The following CWH43 variants were observed in gnomAD, a reference collection of about 807,000 sequenced individuals.
CWH43 encodes cell wall biogenesis 43 C-terminal homolog.
Under a neutral mutation model 85.7 loss-of-function variants are expected in CWH43, and 91 were observed. That is an observed-to-expected ratio of 1.06 (90% CI 0.90 to 1.26). The LOEUF is 1.26. CWH43 is among the 50% of genes most tolerant of loss of function. The probability of loss-of-function intolerance (pLI) is 0.00; values close to 1 mark genes in which losing one functional copy is unlikely to be tolerated. For missense variants in CWH43, 869 were observed against 839.2 expected, an observed-to-expected ratio of 1.04 and a Z score of -0.44; for synonymous variants, 323 against 293.6, an observed-to-expected ratio of 1.10 and a Z score of -1.02.
chr4:49,015,852 T>C (rs193165766), intron 8 of CWH43, among the ~76,000 whole-genome samples: 26 of 152,290 alleles, frequency 1.7e-4, no homozygotes, highest in Non-Finnish European at 2.8e-4. Context: ...CTCTATTTGA[T>C]TTCTTTTCAA....
intron 13 of CWH43, among the ~76,000 whole-genome samples, chr4:49,039,556 C>A (rs1288106164): frequency 6.7e-6 from 1 of 149,258 alleles, no homozygotes; most frequent in Non-Finnish European, 1.5e-5. Flanking sequence ...AACTTCATGT[C>A]TTGAGATAAT....
chr4:49,011,286 C>A (rs1321719453), intron 8 of CWH43, among the ~76,000 whole-genome samples: 1 of 152,072 alleles, frequency 6.6e-6, no homozygotes, highest in South Asian at 2.1e-4. Flanking sequence ...GTATCAGAGA[C>A]TAGGATTGCA....
intron 5 of CWH43, among the ~76,000 whole-genome samples, chr4:48,995,088 T>C (rs1350428922): frequency 3.3e-5 from 5 of 152,222 alleles, no homozygotes; most frequent in South Asian, 4.1e-4. Context: ...AGCTCCAGCA[T>C]AGGCATCTCG....
chr4:49,045,363 G>C (rs1426799194), intron 14 of CWH43, among the ~76,000 whole-genome samples: 1 of 152,078 alleles, frequency 6.6e-6, no homozygotes, highest in Admixed American at 6.6e-5. Context: ...ACATACATGC[G>C]TATGTGTGTG....
chr4:48,999,103 A>G (rs1782910110), intron 6 of CWH43, among the ~76,000 whole-genome samples: 1 of 152,078 alleles, frequency 6.6e-6, no homozygotes, highest in South Asian at 2.1e-4. Context: ...GGTGGACCCC[A>G]GTGTCTGTTG....
intron 13 of CWH43, among the ~76,000 whole-genome samples, chr4:49,044,513 G>A (rs1784561588): frequency 6.6e-6 from 1 of 152,198 alleles, no homozygotes; most frequent in African/African-American, 2.4e-5. Flanking sequence ...GGGCTATTTT[G>A]TAATCGTTGA....
chr4:48,991,840 T>C (rs1782669873), intron 3 of CWH43, 96 bp from the exon 4 acceptor site: 4 of 1,091,782 alleles, frequency 3.7e-6, no homozygotes, highest in Non-Finnish European at 5.4e-6. Flanking sequence ...CCAATAAGAC[T>C]ATTTCAGCTA....
intron 8 of CWH43, among the ~76,000 whole-genome samples, chr4:49,007,880 A>G (rs187214668): frequency 4.6e-5 from 7 of 152,338 alleles, no homozygotes; most frequent in Non-Finnish European, 8.8e-5. Flanking sequence ...ATTGATGGAC[A>G]TTTGGGTTGG....
Position 48,988,628 on chromosome 4 carries a change from C to G in CWH43, c.195C>G (p.Asn65Lys), listed in dbSNP as rs527841906. 17 of 1,612,574 alleles carry G rather than the reference C, an allele frequency of 1.1e-5. No individual in the cohort carries two copies. Among genetic ancestry groups the G allele is most frequent in the Non-Finnish European group, 1.4e-5 (16 of 1,179,176 alleles). Residue 65 changes from asparagine (N) to lysine (K), a missense_variant, in exon 2 of 16, where the codon AAC becomes AAG. By Grantham distance (94) the Asn-to-Lys change is moderately conservative. Transcript: ENST00000226432. ...TTACTCCTTTCTGGAAATTGGTTAA[C>G]AAGAAGTGGATGCTAACCCTGCTGA... is the stretch of plus-strand genomic sequence containing the variant. Reference protein sequence around the residue: ...LTITPFWKLVNKKWMLTLLRI... With the variant: ...LTITPFWKLVKKKWMLTLLRI...
intron 14 of CWH43, among the ~76,000 whole-genome samples, chr4:49,046,448 C>T (rs1241117867): frequency 1.3e-5 from 2 of 151,726 alleles, no homozygotes; most frequent in East Asian, 1.9e-4. Context: ...GAACTTACAT[C>T]GCAGTGGAAG....
At position 49,031,806 on chromosome 4, in the gene CWH43, G is replaced by A. The variant is rs146050185; in HGVS notation, c.1509-760G>A. ...TTACAATAGTTTAGATGTCAGGGGA[G>A]GGGAAGGAAGAATCAAGGGTGATGT... On this transcript the variant is annotated intron_variant, in intron 11 of 15. Coordinates refer to ENST00000226432, the MANE Select transcript of CWH43 (RefSeq NM_025087.3). Among the ~76,000 whole-genome samples the A allele has an allele frequency of 8.4e-3, 1,280 of 152,278 alleles. 8 individuals are homozygous for A. The highest frequency in any genetic ancestry group is 0.012 in the Non-Finnish European group (843 of 68,010).
At chr4:48,990,705 T>C (rs766482778) in intron 2 of CWH43, among the ~76,000 whole-genome samples, 1 of 152,150 alleles carries the variant, frequency 6.6e-6, no homozygotes, top group Non-Finnish European at 1.5e-5. Flanking sequence ...ATAAGAAATA[T>C]AAAATGGCAC....
chr4:49,020,895 T>C (rs750728355), intron 9 of CWH43, among the ~76,000 whole-genome samples: 3 of 152,066 alleles, frequency 2.0e-5, no homozygotes, highest in Non-Finnish European at 4.4e-5. Context: ...AGCTCACTTT[T>C]TGATGGGATT....
intron 15 of CWH43, among the ~76,000 whole-genome samples, chr4:49,057,433 G>A (rs1351416541): frequency 6.6e-6 from 1 of 152,198 alleles, no homozygotes; most frequent in African/African-American, 2.4e-5. Context: ...CAGTAAATAT[G>A]CATTTATCTC....
chr4:49,014,458 C>CA (rs34790963), intron 8 of CWH43, among the ~76,000 whole-genome samples: 43,719 of 132,628 alleles, frequency 0.33, 8,125 homozygotes, highest in East Asian at 0.56. Flanking sequence ...GACTCTGACT[C>CA]AAAAAAAAAA....
chr4:49,040,719 C>T (rs1197218091), intron 13 of CWH43, among the ~76,000 whole-genome samples: 5 of 151,500 alleles, frequency 3.3e-5, no homozygotes, highest in East Asian at 1.9e-4. Flanking sequence ...TGGTAGTTTC[C>T]TTTGCTGTGC....
At chr4:48,986,802 C>T in intron 1 of CWH43, 2 of 1,191,244 alleles carry the variant, frequency 1.7e-6, no homozygotes, top group African/African-American at 1.6e-5. Context: ...TCCCCAAAGC[C>T]CCCCACCCGT....
intron 10 of CWH43, among the ~76,000 whole-genome samples, chr4:49,030,152 C>T (rs1296424364): frequency 6.6e-5 from 10 of 152,128 alleles, no homozygotes; most frequent in East Asian, 3.8e-4. Context: ...GGCCTAGGGC[C>T]GATTTGATTT....
At chr4:49,036,029 G>A (rs142929008) in intron 12 of CWH43, among the ~76,000 whole-genome samples, 824 of 152,240 alleles carry the variant, frequency 5.4e-3, no homozygotes, top group Non-Finnish European at 9.2e-3. Flanking sequence ...TTAACAGTGG[G>A]GAATCATTAC....
Sources: gnomAD v4.1 joint callset for allele counts (sites outside exome capture counted in the v4.1 genomes callset) on GRCh38, gnomAD v4.1.1 for gene constraint, MANE v1.5 for transcripts, NCBI Gene and HGNC (gene_info 2026-07-23, HGNC 2026-07-21) for gene names.